The following SYNE1 variants were observed in gnomAD, a reference collection of about 807,000 sequenced individuals.
SYNE1 encodes spectrin repeat containing nuclear envelope protein 1.
SYNE1 carries 616 observed loss-of-function variants against 1,111.0 expected under a neutral mutation model. The ratio of observed to expected loss-of-function variants is 0.55; its 90% CI spans 0.52 to 0.59. The LOEUF (loss-of-function observed/expected upper bound fraction) is 0.59, where lower values mean the gene tolerates loss of function less well. Among genes scored for constraint, SYNE1 ranks in the 20% least tolerant of loss-of-function variants. The pLI is 0.00. For synonymous variants in SYNE1, 3,855 were observed against 3,825.8 expected (o/e 1.01, Z -0.28); for missense variants, 10,006 against 10,417.0 (o/e 0.96, Z 1.72).
chr6:152,353,768 G>A, intron 67 of SYNE1, 24 bp from the exon 68 acceptor site: 1 of 1,612,978 alleles, frequency 6.2e-7, no homozygotes, highest in East Asian at 2.2e-5. Flanking sequence ...GTATCGAAGG[G>A]AAAGATTCAA....
At chr6:152,227,318 A>G (rs2081816883) in intron 115 of SYNE1, among the ~76,000 whole-genome samples, 1 of 152,176 alleles carries the variant, frequency 6.6e-6, no homozygotes. Context: ...GCAAGATATT[A>G]TTATGTTTAG....
At chr6:152,401,584 TCTAA>T in intron 46 of SYNE1, among the ~76,000 whole-genome samples, 1 of 152,262 alleles carries the variant, frequency 6.6e-6, no homozygotes, top group East Asian at 1.9e-4. Context: ...GAGTGGAAGC[TCTAA>T]CTGAGGTTCC....
chr6:152,249,230 A>G lies in SYNE1; in HGVS notation c.19503T>C (p.Ala6501=). The stretch of plus-strand genomic sequence containing the variant: ...TTTGCAGAATGATGTATTTGTTGTC[A>G]GCCAGTGATGTAAACAGCACTTTCA... The part of the protein sequence containing the change: ...NDLKVLFTSL[A]DNKYIILQKL... The change falls in exon 105 of 146, where the codon GCT becomes GCC. Residue 6501 remains alanine (A), a synonymous_variant. Transcript: ENST00000367255. 1 of 1,614,018 alleles carries G rather than the reference A, an allele frequency of 6.2e-7. No individual in the cohort carries two copies. The highest frequency in any genetic ancestry group is 1.1e-5 in the South Asian group (1 of 91,082).
rs756486134 is a variant in SYNE1, at chr6:152,218,421, A to C, written c.22045-18T>G. Reference sequence around the variant, plus strand: ...ACTCCAGCCTTTTTTTCCACAAAAGAAATTGGTATTTCAGTTAAAAAAAAA... The same window carrying C: ...ACTCCAGCCTTTTTTTCCACAAAAGCAATTGGTATTTCAGTTAAAAAAAAA... On this transcript the variant is annotated intron_variant, in intron 120 of 145. Coordinates refer to ENST00000367255, the MANE Select transcript of SYNE1 (RefSeq NM_182961.4). The C allele has an allele frequency of 2.5e-6, 4 of 1,595,358 alleles. No homozygotes were observed. The highest frequency in any genetic ancestry group is 3.4e-6 in the Non-Finnish European group (4 of 1,175,238).
chr6:152,195,973 C>T (rs1237657624), intron 127 of SYNE1, among the ~76,000 whole-genome samples: 1 of 152,218 alleles, frequency 6.6e-6, no homozygotes, highest in Non-Finnish European at 1.5e-5. Flanking sequence ...TGCAGATAAG[C>T]TGGTACCGAA....
chr6:152,325,298 A>G lies in SYNE1; in HGVS notation c.15443T>C (p.Leu5148Ser). Residue 5148 changes from leucine (L) to serine (S), a missense_variant, in exon 81 of 146, where the codon TTA becomes TCA. Physicochemically the swap from Leu to Ser is moderately radical, Grantham distance 145. Around this residue, in one of 7 missense-constraint regions of SYNE1, gnomAD observed 4,955 missense variants for 5,017.2 expected, o/e 0.99. Transcript: ENST00000367255. ...ATGGAAAGAGTTAACCACTGACACT[A>G]AAGCCTAGGGTTGGGGGTGGAGGAC... The part of the protein sequence containing the change: ...AEEKLSEHKA[L>S]VSVVNSFHEK... The G allele has an allele frequency of 6.2e-7, 1 of 1,614,142 alleles. No individual in the cohort carries two copies. The highest frequency in any genetic ancestry group is 8.5e-7 in the Non-Finnish European group (1 of 1,180,010).
At chr6:152,581,523 G>T (rs1053122219) in intron 3 of SYNE1, among the ~76,000 whole-genome samples, 1 of 152,202 alleles carries the variant, frequency 6.6e-6, no homozygotes, top group Non-Finnish European at 1.5e-5. Flanking sequence ...CATGTGGTGA[G>T]TACTATAGCA....
intron 110 of SYNE1, 139 bp downstream of exon 110, chr6:152,235,968 C>A (rs2083927920): frequency 1.1e-6 from 1 of 891,434 alleles, no homozygotes; most frequent in African/African-American, 1.6e-5. Context: ...GTCTTGAACT[C>A]CTGGCCTCAA....
At position 152,310,082 on chromosome 6, in the gene SYNE1, C is replaced by T. The variant is rs549450131; in HGVS notation, c.17020-65G>A. The T allele has an allele frequency of 7.2e-6, 11 of 1,522,956 alleles. No individual in the cohort carries two copies. In the East Asian group the frequency reaches 1.2e-4, roughly 17 times the overall value. 94.3% of individuals were successfully genotyped at this position (1,522,956 alleles called of 1,614,324 possible). The stretch of plus-strand genomic sequence containing the variant: ...AATCATTTATTTCATAAGCAAAAGG[C>T]ACTAAATTATAGTTACGTTGCAAGT... On this transcript the variant is annotated intron_variant, in intron 89 of 145. Coordinates refer to ENST00000367255, the MANE Select transcript of SYNE1 (RefSeq NM_182961.4).
rs1194411954 is a variant in SYNE1 at position 152,316,008 on chromosome 6, A to G, written c.16710+841T>C. The G allele has an allele frequency of 2.0e-5, 3 of 152,368 alleles. No individual in the cohort carries two copies. In the East Asian group the frequency reaches 5.8e-4, roughly 29 times the overall value. 9.4% of individuals were successfully genotyped at this position (152,368 alleles called of 1,614,324 possible). On this transcript the variant is annotated intron_variant, in intron 87 of 145. Coordinates refer to ENST00000367255, the MANE Select transcript of SYNE1 (RefSeq NM_182961.4). Reference sequence around the variant, plus strand: ...CAAAAATCTAGAATACTCGATACCCATGTAACTCCTATAAAAGTCACCCTA... The same window carrying G: ...CAAAAATCTAGAATACTCGATACCCGTGTAACTCCTATAAAAGTCACCCTA...
At chr6:152,473,505 C>T (rs1423189140) in intron 14 of SYNE1, among the ~76,000 whole-genome samples, 1 of 152,154 alleles carries the variant, frequency 6.6e-6, no homozygotes, top group African/African-American at 2.4e-5. Context: ...TAGGGCCAAA[C>T]TATTTCTAAC....
chr6:152,367,347 T>C lies in SYNE1; in HGVS notation c.9843A>G (p.Glu3281=). The C allele has an allele frequency of 1.2e-6, 2 of 1,614,200 alleles. No homozygotes were observed. Among genetic ancestry groups the C allele is most frequent in the South Asian group, 1.1e-5 (1 of 91,086 alleles). The part of the protein sequence containing the change: ...KVSRLDRIVA[E]HNQFSLGIKE... Reference sequence around the variant, plus strand: ...TAATCCCAAGAGAGAACTGATTGTGTTCTGCAACGATTCTATCCAGTCTTG... The same window carrying C: ...TAATCCCAAGAGAGAACTGATTGTGCTCTGCAACGATTCTATCCAGTCTTG... The change falls in exon 62 of 146, where the codon GAA becomes GAG. Residue 3281 remains glutamate, a synonymous_variant. Coordinates refer to ENST00000367255, the MANE Select transcript of SYNE1 (RefSeq NM_182961.4).
rs373310427 is a variant in SYNE1 at position 152,239,576 on chromosome 6, T to C, written c.20024A>G (p.Lys6675Arg). The change falls in exon 108 of 146, where the codon AAA (lysine) becomes AGA (arginine). Residue 6675 changes from lysine (K) to arginine (R), a missense_variant. By Grantham distance (26) the Lys-to-Arg change is conservative (BLOSUM62 2). This residue lies in a region of SYNE1 where 2,182 missense variants were observed against 2,287.8 expected (regional missense o/e 0.95). Coordinates refer to ENST00000367255, the MANE Select transcript of SYNE1 (RefSeq NM_182961.4). ...CTCCACACCCCTCTTGTGAGCCCGTTTCAGTACAGCAGAAGCCTGAGCCAT... is the reference window on the plus strand; with the variant it reads ...CTCCACACCCCTCTTGTGAGCCCGTCTCAGTACAGCAGAAGCCTGAGCCAT... Reference protein sequence around the residue: ...ELMAQASAVLKRAHKRGVELE... With the variant: ...ELMAQASAVLRRAHKRGVELE... The C allele has an allele frequency of 3.7e-6, 6 of 1,614,172 alleles. No individual in the cohort carries two copies. The highest frequency in any genetic ancestry group is 5.1e-6 in the Non-Finnish European group (6 of 1,180,032).
intron 41 of SYNE1, among the ~76,000 whole-genome samples, chr6:152,414,138 T>C (rs1260476094): frequency 6.6e-6 from 1 of 152,088 alleles, no homozygotes; most frequent in East Asian, 1.9e-4. Flanking sequence ...CCACAGTGGC[T>C]CATGCCCATA....
In SYNE1 at chr6:152,224,435, A is replaced by G. The variant is rs371419810; in HGVS notation, c.21522+59T>C. On this transcript the variant is annotated intron_variant, in intron 117 of 145. Transcript: ENST00000367255. The stretch of plus-strand genomic sequence containing the variant: ...TTCAGGATGATGTCTCCATTTGGTA[A>G]TTTTTCAGTTTTCTAAAATTAAAAT... The G allele has an allele frequency of 8.8e-6, 13 of 1,472,298 alleles. No homozygotes were observed. In the South Asian group the frequency reaches 1.1e-4, roughly 13 times the overall value. The allele number at this position is 1,472,298 out of a possible 1,614,324, so 91.2% of individuals were successfully genotyped here. A position where few individuals can be genotyped will look rare whatever the true frequency, so the allele number is the denominator to read the frequency against.
intron 11 of SYNE1, among the ~76,000 whole-genome samples, chr6:152,497,237 T>C (rs1371171858): frequency 1.3e-5 from 2 of 152,158 alleles, no homozygotes; most frequent in Admixed American, 1.3e-4. Context: ...ACTCAATATA[T>C]GATTGCAGAA....
intron 98 of SYNE1, among the ~76,000 whole-genome samples, chr6:152,276,079 A>G (rs1272484833): frequency 1.1e-4 from 15 of 140,828 alleles, no homozygotes; most frequent in African/African-American, 3.8e-4. Context: ...CTGTTGCCCA[A>G]GCTAGAGCAC....
In SYNE1 at chr6:152,502,698, C is replaced by A; in HGVS notation, c.823G>T (p.Val275Leu). The part of the protein sequence containing the change: ...KPDEKSIMTY[V>L]AQFLKHYPDI... ...GGATAATGTTTCAGAAACTGGGCTA[C>A]ATAGGTCATAATAGATTTCTCATCT... The change falls in exon 10 of 146, where the codon GTA (valine) becomes TTA (leucine). Residue 275 changes from valine (V) to leucine (L), a missense_variant. Transcript: ENST00000367255. The A allele has an allele frequency of 6.2e-7, 1 of 1,613,846 alleles. No individual in the cohort carries two copies. The highest frequency in any genetic ancestry group is 8.5e-7 in the Non-Finnish European group (1 of 1,179,894).
In SYNE1 at chr6:152,143,705, C is replaced by T. The variant is rs778080338; in HGVS notation, c.25037G>A (p.Arg8346His). The T allele has an allele frequency of 1.6e-5, 26 of 1,614,052 alleles. No homozygotes were observed. Among genetic ancestry groups the T allele is most frequent in the South Asian group, 1.1e-4 (10 of 91,082 alleles). Residue 8346 changes from arginine (R) to histidine (H), a missense_variant, in exon 138 of 146, where the codon CGT becomes CAT. Transcript: ENST00000367255. ...ATTTTCGGTTTGCTGTATCTGAAAA[C>T]GGCTATCATCCAGGGCTTTGCCCAG... The part of the protein sequence containing the change: ...RQLGKALDDS[R>H]FQIQQTENII...
Sources: gnomAD v4.1 joint callset for allele counts (sites outside exome capture counted in the v4.1 genomes callset) on GRCh38, gnomAD v4.1.1 for gene constraint, gnomAD v4.1.1 regional missense constraint, MANE v1.5 for transcripts, NCBI Gene and HGNC (gene_info 2026-07-23, HGNC 2026-07-21) for gene names.